The following AFG2A variants were observed in gnomAD, a reference collection of about 807,000 sequenced individuals.
AFG2A encodes the protein ATPase family gene 2 protein homolog A.
the AFG2A span, among the ~76,000 whole-genome samples, chr4:123,189,497 T>G: frequency 6.6e-6 from 1 of 152,114 alleles, no homozygotes; most frequent in South Asian, 2.1e-4. Flanking sequence ...AAACACAGAA[T>G]CTCCGTTAAC....
the AFG2A span, among the ~76,000 whole-genome samples, chr4:122,998,502 C>T: frequency 2.0e-5 from 3 of 151,710 alleles, no homozygotes; most frequent in Non-Finnish European, 4.4e-5. Flanking sequence ...TGATGTTCCC[C>T]TTCCTGTGTC....
At chr4:122,923,783 G>GTA in the AFG2A span, among the ~76,000 whole-genome samples, 1 of 152,168 alleles carries the variant, frequency 6.6e-6, no homozygotes, top group Admixed American at 6.5e-5. Flanking sequence ...AGTGTTAGCA[G>GTA]TATATATAGC....
the AFG2A span, among the ~76,000 whole-genome samples, chr4:123,000,136 A>AT: frequency 6.7e-6 from 1 of 149,370 alleles, no homozygotes; most frequent in Non-Finnish European, 1.5e-5. Context: ...AATGCTTGTG[A>AT]TTTTTGTACA....
At chr4:123,302,668 C>T in the AFG2A span, among the ~76,000 whole-genome samples, 1 of 151,960 alleles carries the variant, frequency 6.6e-6, no homozygotes, top group Admixed American at 6.6e-5. Context: ...AGGACCAAGG[C>T]TGCAGGGCCT....
the AFG2A span, among the ~76,000 whole-genome samples, chr4:123,157,292 G>A: frequency 3.9e-5 from 6 of 151,920 alleles, no homozygotes; most frequent in African/African-American, 1.5e-4. Flanking sequence ...CCGAAGTGCT[G>A]GGATTACTGG....
chr4:123,252,627 T>C, the AFG2A span, among the ~76,000 whole-genome samples: 5 of 152,236 alleles, frequency 3.3e-5, no homozygotes, highest in Admixed American at 2.6e-4. Flanking sequence ...TAATCCCTTT[T>C]ATTTAGTTTC....
At chr4:123,029,333 A>T in the AFG2A span, among the ~76,000 whole-genome samples, 29 of 152,256 alleles carry the variant, frequency 1.9e-4, no homozygotes, top group African/African-American at 6.5e-4. Context: ...CGGCCTCCCA[A>T]AGTGCTGGGA....
the AFG2A span, among the ~76,000 whole-genome samples, chr4:122,941,354 T>G: frequency 6.6e-6 from 1 of 151,752 alleles, no homozygotes; most frequent in East Asian, 1.9e-4. Flanking sequence ...TTCACGTCCC[T>G]TGTAAGTTGG....
chr4:123,001,382 C>A, the AFG2A span, among the ~76,000 whole-genome samples: 1 of 151,956 alleles, frequency 6.6e-6, no homozygotes, highest in East Asian at 1.9e-4. Context: ...TCTAGTTCTT[C>A]TAATTGTGAT....
At chr4:122,923,096 A>C in the AFG2A span, 9 of 1,609,772 alleles carry the variant, frequency 5.6e-6, no homozygotes, top group South Asian at 3.3e-5. Flanking sequence ...TGAAGCGCGC[A>C]CATTGAGTCG....
the AFG2A span, among the ~76,000 whole-genome samples, chr4:123,114,101 G>A: frequency 1.3e-5 from 2 of 152,060 alleles, no homozygotes; most frequent in African/African-American, 4.8e-5. Flanking sequence ...GCAGCTCTCA[G>A]CAGAGAGGGT....
chr4:123,307,933 T>C, the AFG2A span, among the ~76,000 whole-genome samples: 10 of 152,322 alleles, frequency 6.6e-5, no homozygotes, highest in African/African-American at 2.2e-4. Flanking sequence ...TCTAGATTTG[T>C]GTAAGGACAG....
the AFG2A span, among the ~76,000 whole-genome samples, chr4:123,207,221 GT>G: frequency 6.6e-6 from 1 of 150,774 alleles, no homozygotes; most frequent in African/African-American, 2.4e-5. Flanking sequence ...CAAATGTTAA[GT>G]CACATTCTGG....
At chr4:123,313,026 G>GA in the AFG2A span, among the ~76,000 whole-genome samples, 3 of 152,172 alleles carry the variant, frequency 2.0e-5, no homozygotes, top group African/African-American at 7.2e-5. Flanking sequence ...CTGTTGCCCT[G>GA]AAAATCACAA....
the AFG2A span, among the ~76,000 whole-genome samples, chr4:123,225,478 CATTTCT>C: frequency 6.6e-6 from 1 of 152,170 alleles, no homozygotes; most frequent in Non-Finnish European, 1.5e-5. Context: ...ATCCTTTCCC[CATTTCT>C]TGTTTTTGTC....
the AFG2A span, among the ~76,000 whole-genome samples, chr4:123,190,917 T>A: frequency 6.6e-6 from 1 of 152,176 alleles, no homozygotes; most frequent in African/African-American, 2.4e-5. Flanking sequence ...ATCTATTTGT[T>A]ACCTGAAAAT....
the AFG2A span, among the ~76,000 whole-genome samples, chr4:123,003,770 TGAG>T: frequency 6.6e-6 from 1 of 152,094 alleles, no homozygotes; most frequent in Non-Finnish European, 1.5e-5. Context: ...GGGACCCACT[TGAG>T]GAGGCAGTCT....
the AFG2A span, among the ~76,000 whole-genome samples, chr4:122,999,384 A>G: frequency 3.3e-5 from 5 of 152,046 alleles, 2 homozygotes; most frequent in South Asian, 1.0e-3. Context: ...GTCCTTGCCC[A>G]TGCCTATGTC....
the AFG2A span, among the ~76,000 whole-genome samples, chr4:123,189,216 G>C: frequency 6.6e-6 from 1 of 152,154 alleles, no homozygotes; most frequent in South Asian, 2.1e-4. Context: ...ACCCTGCTCT[G>C]CGGAATTCTC....
Sources: allele counts gnomAD v4.1 joint callset (sites outside exome capture counted in the v4.1 genomes callset), GRCh38; gene constraint gnomAD v4.1.1; transcripts MANE v1.5; gene names NCBI Gene and HGNC (gene_info 2026-07-23, HGNC 2026-07-21).